YY1: variants seen among roughly 807,000 people sequenced by gnomAD.
YY1 encodes the protein transcriptional repressor protein YY1.
YY1 carries 2 observed loss-of-function variants against 35.6 expected under a neutral mutation model. That is an observed-to-expected ratio of 0.06 (90% CI 0.02 to 0.18). The LOEUF (loss-of-function observed/expected upper bound fraction) is 0.18. Ranked by LOEUF, YY1 falls within the 10% of genes least tolerant of loss-of-function variation. YY1 has a pLI of 1.00. For synonymous variants in YY1, 268 were observed against 238.9 expected (o/e 1.12, Z -1.12); for missense variants, 322 against 573.4 (o/e 0.56, Z 4.48).
At position 100,239,939 on chromosome 14, in the gene YY1, G is replaced by A; in HGVS notation, c.679+16G>A. The A allele has an allele frequency of 5.9e-6, 9 of 1,515,834 alleles. No homozygotes were observed. Among genetic ancestry groups the A allele is most frequent in the Non-Finnish European group, 7.9e-6 (9 of 1,134,652 alleles). The allele number at this position is 1,515,834 out of a possible 1,614,324, so 93.9% of individuals were successfully genotyped here. On this transcript the variant is annotated intron_variant, in intron 1 of 4. Transcript: ENST00000262238. The stretch of plus-strand genomic sequence containing the variant: ...TGGTCCTCAGGTGAGCGCCGGCCGC[G>A]CGCCCCGGCCCCGGGATGTTTTTGT...
At chr14:100,240,745 G>A (rs1890725363) in intron 1 of YY1, among the ~76,000 whole-genome samples, 1 of 152,234 alleles carries the variant, frequency 6.6e-6, no homozygotes, top group Admixed American at 6.5e-5. Flanking sequence ...CTAGTGGAAA[G>A]GGCCTGTGAA....
chr14:100,260,693 G>T (rs1229304911), intron 1 of YY1, among the ~76,000 whole-genome samples: 2 of 146,974 alleles, frequency 1.4e-5, no homozygotes, highest in African/African-American at 5.0e-5. Context: ...GGATGGTCTC[G>T]ATCTCCTGAC....
Position 100,278,708 on chromosome 14 carries a change from C to T in YY1, c.*1108C>T, listed in dbSNP as rs553567023. ...CAGGCATCCCGAGTTCAGGAACTAC[C>T]TCAGAACACCCCAGGCCAGGTTGGT... On this transcript the variant is annotated 3_prime_UTR_variant, in exon 5 of 5. Coordinates refer to ENST00000262238, the MANE Select transcript of YY1 (RefSeq NM_003403.5). 1 of 152,362 alleles carries T rather than the reference C, an allele frequency of 6.6e-6. No individual in the cohort carries two copies. Among genetic ancestry groups the T allele is most frequent in the East Asian group, 1.9e-4 (1 of 5,190 alleles). The allele number at this position is 152,362 out of a possible 1,614,324, so 9.4% of individuals were successfully genotyped here.
chr14:100,251,326 T>C (rs940303678), intron 1 of YY1, among the ~76,000 whole-genome samples: 3 of 152,216 alleles, frequency 2.0e-5, no homozygotes, highest in Admixed American at 2.0e-4. Context: ...TCAAGGAATG[T>C]AGGCAGCCTT....
Position 100,277,003 on chromosome 14 carries a change from A to C in YY1, c.1062+355A>C. 1 of 407,280 alleles carries C rather than the reference A, an allele frequency of 2.5e-6. No individual in the cohort carries two copies. Among genetic ancestry groups the C allele is most frequent in the Non-Finnish European group, 4.5e-6 (1 of 219,988 alleles). 25.2% of individuals were successfully genotyped at this position (407,280 alleles called of 1,614,324 possible). ...TTAATAGTATAATTACTAACTGATA[A>C]AGTTTCTAGAGTGTAAGTATAGGTA... On this transcript the variant is annotated intron_variant, in intron 4 of 4. Coordinates refer to ENST00000262238, the MANE Select transcript of YY1 (RefSeq NM_003403.5). The surrounding 1 kb of genome is among the most constrained non-coding windows in gnomAD (Gnocchi z 5.6).
At chr14:100,254,781 T>TA (rs1566773652) in intron 1 of YY1, among the ~76,000 whole-genome samples, 11 of 148,770 alleles carry the variant, frequency 7.4e-5, no homozygotes, top group African/African-American at 2.2e-4. Context: ...ATTTATTTTT[T>TA]TTTTTTTTTG....
At position 100,281,466 on chromosome 14, in the gene YY1, C is replaced by T. The variant is rs1319110885; in HGVS notation, c.*3866C>T. ...ACCTGTCTGGCTCCGGGCCCTTTGT[C>T]CTGGATACACTGACAGTAATGTGAG... On this transcript the variant is annotated 3_prime_UTR_variant, in exon 5 of 5. Coordinates refer to ENST00000262238, the MANE Select transcript of YY1 (RefSeq NM_003403.5). 6.6e-6 allele frequency: 1 copy of T among 152,144 alleles called. No homozygotes were observed. Among genetic ancestry groups the T allele is most frequent in the African/African-American group, 2.4e-5 (1 of 41,414 alleles). 9.4% of individuals were successfully genotyped at this position (152,144 alleles called of 1,614,324 possible). A position where few individuals can be genotyped will look rare whatever the true frequency, so the allele number is the denominator to read the frequency against.
At chr14:100,267,482 G>A (rs575750800) in intron 2 of YY1, among the ~76,000 whole-genome samples, 1 of 152,136 alleles carries the variant, frequency 6.6e-6, no homozygotes, top group South Asian at 2.1e-4. Flanking sequence ...TGGGCCCTGT[G>A]AGGTGGGTCA....
At chr14:100,273,283 A>G (rs1408333089) in intron 2 of YY1, among the ~76,000 whole-genome samples, 1 of 151,346 alleles carries the variant, frequency 6.6e-6, no homozygotes, top group Non-Finnish European at 1.5e-5. Context: ...TTAAATTATT[A>G]TTTTATTTAT....
Position 100,260,744 on chromosome 14 carries a change from T to C in YY1, c.680-1560T>C, listed in dbSNP as rs1891072998. The stretch of plus-strand genomic sequence containing the variant: ...CCTCGGCCTCCCAAAGTGCTGGGAT[T>C]ACAGGTGTGAGCCACCGTGCCTGGT... On this transcript the variant is annotated intron_variant, in intron 1 of 4. Transcript: ENST00000262238. 2.1e-5 allele frequency among the ~76,000 whole-genome samples: 3 copies of C among 144,992 alleles called. No homozygotes were observed. The South Asian group carries it at 6.6e-4, about 32-fold the overall frequency.
chr14:100,250,641 G>A (rs930580538), intron 1 of YY1, among the ~76,000 whole-genome samples: 6 of 152,110 alleles, frequency 3.9e-5, no homozygotes, highest in Admixed American at 3.9e-4. Flanking sequence ...TGTGTATGAA[G>A]GGGACCACTG....
At chr14:100,262,797 AG>A (rs1891102862) in intron 2 of YY1, among the ~76,000 whole-genome samples, 1 of 152,220 alleles carries the variant, frequency 6.6e-6, no homozygotes, top group Admixed American at 6.5e-5. Context: ...CCTTGCAGTA[AG>A]ATGAAGCAAA....
intron 2 of YY1, among the ~76,000 whole-genome samples, chr14:100,268,365 A>G (rs185147331): frequency 2.6e-4 from 40 of 152,348 alleles, no homozygotes; most frequent in South Asian, 1.2e-3. Context: ...CAGTCTATGG[A>G]TGACTTTTTT....
At position 100,272,638 on chromosome 14, in the gene YY1, C is replaced by CT. The variant is rs555477506; in HGVS notation, c.843-2049dup. 1.8e-3 allele frequency among the ~76,000 whole-genome samples: 257 copies of CT among 141,108 alleles called. 2 individuals carry two copies. Among genetic ancestry groups the CT allele is most frequent in the Middle Eastern group, 7.4e-3 (2 of 270 alleles). 92.6% of individuals were successfully genotyped at this position (141,108 alleles called of 152,430 possible). Reference sequence around the variant, plus strand: ...GCTTTTAAGGATTCACTTAGGTGGGCTTTTTTTTTTTCGACTTTGACTTTT... The same window carrying CT: ...GCTTTTAAGGATTCACTTAGGTGGGCTTTTTTTTTTTTCGACTTTGACTTTT... On this transcript the variant is annotated intron_variant, in intron 2 of 4. Transcript: ENST00000262238.
At chr14:100,261,737 A>G (rs1317801635) in intron 1 of YY1, among the ~76,000 whole-genome samples, 1 of 152,212 alleles carries the variant, frequency 6.6e-6, no homozygotes, top group African/African-American at 2.4e-5. Flanking sequence ...AGGAGTGAAG[A>G]GGGAGGAGGC....
rs1428132499 is a variant in YY1, at chr14:100,280,816, C to T, written c.*3216C>T. 1.3e-5 allele frequency: 2 copies of T among 152,056 alleles called. No homozygotes were observed. The highest frequency in any genetic ancestry group is 4.8e-5 in the African/African-American group (2 of 41,386). The allele number at this position is 152,056 out of a possible 1,614,324, so 9.4% of individuals were successfully genotyped here. On this transcript the variant is annotated 3_prime_UTR_variant, in exon 5 of 5. Coordinates refer to ENST00000262238, the MANE Select transcript of YY1 (RefSeq NM_003403.5). The stretch of plus-strand genomic sequence containing the variant: ...TGAGAGTGCGTACATTGGAGGACTG[C>T]CCCACGTCCGTTTGCACTCTGCCTT...
chr14:100,239,370 CGAGGAGGAG>C lies in YY1; in HGVS notation c.135_143del (p.Glu45_Glu47del), dbSNP rs751492136. 1 of 1,590,050 alleles carries C rather than the reference CGAGGAGGAG, an allele frequency of 6.3e-7. No individual in the cohort carries two copies. The highest frequency in any genetic ancestry group is 2.3e-5 in the East Asian group (1 of 43,782). The stretch of plus-strand genomic sequence containing the variant: ...AGACCATCGAGACCACAGTGGTGGG[CGAGGAGGAG>C]GAGGAGGACGACGACGACGAGGACG... On this transcript the variant is annotated inframe_deletion, in exon 1 of 5. Transcript: ENST00000262238.
At chr14:100,250,888 C>G (rs77742986) in intron 1 of YY1, among the ~76,000 whole-genome samples, 1,827 of 151,122 alleles carry the variant, frequency 0.012, 38 homozygotes, top group African/African-American at 0.042. Flanking sequence ...GCTTTTGTAG[C>G]CCCAGCTACC....
intron 3 of YY1, 77 bp downstream of exon 3, chr14:100,274,835 GT>G (rs1891296895): frequency 7.6e-7 from 1 of 1,314,496 alleles, no homozygotes; most frequent in Non-Finnish European, 1.1e-6. Flanking sequence ...TTGCACTTTT[GT>G]TTCTGCTTGT....
Sources: gnomAD v4.1 joint callset for allele counts (sites outside exome capture counted in the v4.1 genomes callset) on GRCh38, gnomAD v4.1.1 for gene constraint, Gnocchi (gnomAD v3.1) non-coding constraint, MANE v1.5 for transcripts, NCBI Gene and HGNC (gene_info 2026-07-23, HGNC 2026-07-21) for gene names.